The following FSIP2 variants were observed in gnomAD, a reference collection of about 807,000 sequenced individuals.
FSIP2 encodes the protein fibrous sheath-interacting protein 2.
A neutral mutation model predicts 510.5 loss-of-function variants in FSIP2; 367 were observed. That is an observed-to-expected ratio of 0.72 (90% CI 0.66 to 0.78). The LOEUF (loss-of-function observed/expected upper bound fraction) is 0.78, where lower values mean the gene tolerates loss of function less well. FSIP2 is among the 30% of genes least tolerant of loss of function. The pLI is 0.00. For synonymous variants in FSIP2, 2,601 were observed against 2,732.2 expected, an observed-to-expected ratio of 0.95 and a Z score of 1.50; for missense variants, 7,594 against 7,901.7, an observed-to-expected ratio of 0.96 and a Z score of 1.48.
intron 4 of FSIP2, 23 bp downstream of exon 4, chr2:185,744,434 G>A: frequency 1.6e-6 from 1 of 641,420 alleles, no homozygotes; most frequent in Non-Finnish European, 2.3e-6. Context: ...CTTAAATTTG[G>A]TTTATTTACA....
Position 185,796,196 on chromosome 2 carries a change from G to A in FSIP2, c.9060G>A (p.Val3020=), listed in dbSNP as rs1015794350. 1.1e-5 allele frequency: 17 copies of A among 1,532,048 alleles called. No homozygotes were observed. The highest frequency in any genetic ancestry group is 1.5e-5 in the Non-Finnish European group (17 of 1,145,330). 94.9% of individuals were successfully genotyped at this position (1,532,048 alleles called of 1,614,324 possible). Reference sequence around the variant, plus strand: ...CCAAATATGAGTTTTCTGAAATTGTGAAAATGCCTATAGAAAACCTTTCTT... The same window carrying A: ...CCAAATATGAGTTTTCTGAAATTGTAAAAATGCCTATAGAAAACCTTTCTT... ...HISKYEFSEI[V]KMPIENLSSI... is the part of the protein sequence containing the mutation. Residue 3020 remains valine (V), a synonymous_variant, in exon 16 of 23, where the codon GTG becomes GTA. Coordinates refer to ENST00000424728, the MANE Select transcript of FSIP2 (RefSeq NM_173651.4).
In FSIP2 at chr2:185,804,995, A is replaced by T; in HGVS notation, c.15689A>T (p.Glu5230Val). The T allele has an allele frequency of 6.4e-7, 1 of 1,571,862 alleles. No homozygotes were observed. The highest frequency in any genetic ancestry group is 8.6e-7 in the Non-Finnish European group (1 of 1,163,742). The stretch of plus-strand genomic sequence containing the variant: ...AAATTAGCTGGTTTTATTATGAAAG[A>T]AATCATGTATCATCATTTACAGCCA... ...LSKLAGFIMK[E>V]IMYHHLQPFL... The change falls in exon 17 of 23, where the codon GAA (glutamate) becomes GTA (valine). Residue 5230 changes from glutamate to valine, a missense_variant. Coordinates refer to ENST00000424728, the MANE Select transcript of FSIP2 (RefSeq NM_173651.4).
At position 185,790,787 on chromosome 2, in the gene FSIP2, A is replaced by G; in HGVS notation, c.3651A>G (p.Lys1217=). The part of the protein sequence containing the change: ...TEHIVKEAPN[K]YPLKTWFDSE... ...ACATAGTCAAAGAAGCACCAAATAAATACCCATTAAAAACATGGTTTGACA... is the reference window on the plus strand; with the variant it reads ...ACATAGTCAAAGAAGCACCAAATAAGTACCCATTAAAAACATGGTTTGACA... The change falls in exon 16 of 23, where the codon AAA becomes AAG. Residue 1217 remains lysine, a synonymous_variant. Transcript: ENST00000424728. 2 of 1,532,428 alleles carry G rather than the reference A, an allele frequency of 1.3e-6. No individual in the cohort carries two copies. The highest frequency in any genetic ancestry group is 1.7e-6 in the Non-Finnish European group (2 of 1,144,618). The allele number at this position is 1,532,428 out of a possible 1,614,324, so 94.9% of individuals were successfully genotyped here.
chr2:185,756,465 T>C (rs1692248685), intron 9 of FSIP2, among the ~76,000 whole-genome samples, 187 bp downstream of exon 9: 1 of 151,502 alleles, frequency 6.6e-6, no homozygotes, highest in African/African-American at 2.4e-5. Context: ...GATAACCAGA[T>C]AATTGATTTA....
At position 185,792,696 on chromosome 2, in the gene FSIP2, C is replaced by G; in HGVS notation, c.5560C>G (p.Leu1854Val). ...DNIVRTVFHK[L>V]YSAAMTERNV... is the part of the protein sequence containing the mutation. ...TATTGTTAGGACTGTATTTCACAAA[C>G]TTTATTCAGCTGCCATGACAGAAAG... Residue 1854 changes from leucine (L) to valine (V), a missense_variant, in exon 16 of 23, where the codon CTT becomes GTT. Physicochemically the swap from Leu to Val is conservative, Grantham distance 32. Transcript: ENST00000424728. 1 of 1,533,742 alleles carries G rather than the reference C, an allele frequency of 6.5e-7. No individual in the cohort carries two copies. The highest frequency in any genetic ancestry group is 8.7e-7 in the Non-Finnish European group (1 of 1,145,354).
Position 185,793,283 on chromosome 2 carries a change from A to G in FSIP2, c.6147A>G (p.Ile2049Met), listed in dbSNP as rs1485695301. The change falls in exon 16 of 23, where the codon ATA (isoleucine) becomes ATG (methionine). Residue 2049 changes from isoleucine (I) to methionine (M), a missense_variant. Physicochemically the swap from Ile to Met is conservative, Grantham distance 10. Transcript: ENST00000424728. Reference protein sequence around the residue: ...SQIVNALLDIISRKGKCDKNS... With the variant: ...SQIVNALLDIMSRKGKCDKNS... ...TTGTTAACGCATTGTTAGACATTAT[A>G]TCACGTAAAGGCAAATGTGACAAAA... 1 of 1,534,156 alleles carries G rather than the reference A, an allele frequency of 6.5e-7. No homozygotes were observed. The highest frequency in any genetic ancestry group is 1.4e-5 in the African/African-American group (1 of 72,890).
intron 7 of FSIP2, among the ~76,000 whole-genome samples, chr2:185,751,650 GTTCTT>G (rs1692151076): frequency 6.6e-6 from 1 of 151,056 alleles, no homozygotes; most frequent in South Asian, 2.1e-4. Flanking sequence ...TCTCATCTAT[GTTCTT>G]TTCTTCATTT....
chr2:185,803,638 C>T lies in FSIP2; in HGVS notation c.14332C>T (p.Gln4778Ter). 2 of 1,528,218 alleles carry T rather than the reference C, an allele frequency of 1.3e-6. No homozygotes were observed. The highest frequency in any genetic ancestry group is 1.7e-6 in the Non-Finnish European group (2 of 1,143,098). 94.7% of individuals were successfully genotyped at this position (1,528,218 alleles called of 1,614,324 possible). The part of the protein sequence containing the change: ...VQYDISKSRF[Q>*]RQASTMYTTM... The stretch of plus-strand genomic sequence containing the variant: ...ATATGATATAAGTAAATCAAGATTC[C>T]AAAGACAAGCTTCAACAATGTATAC... Residue 4778 changes from glutamine (Q) to a stop codon, truncating the protein, a stop_gained, in exon 17 of 23, where the codon CAA (glutamine) becomes TAA (stop). Transcript: ENST00000424728. LOFTEE classifies it high-confidence loss of function.
In FSIP2 at chr2:185,759,648, TTA is replaced by T. The variant is rs939252143; in HGVS notation, c.1079-1332_1079-1331del. On this transcript the variant is annotated intron_variant, in intron 9 of 22. Coordinates refer to ENST00000424728, the MANE Select transcript of FSIP2 (RefSeq NM_173651.4). ...ATAATATTAATAATATTGTTATATA[TTA>T]TATATATTATATATTATACATAATA... Among the ~76,000 whole-genome samples the T allele has an allele frequency of 6.2e-5, 9 of 146,208 alleles. No homozygotes were observed. In the South Asian group the frequency reaches 6.3e-4, roughly 10 times the overall value.
rs971286399 is a variant in FSIP2 at position 185,804,983 on chromosome 2, T to A, written c.15677T>A (p.Phe5226Tyr). The A allele has an allele frequency of 6.4e-7, 1 of 1,556,608 alleles. No individual in the cohort carries two copies. The highest frequency in any genetic ancestry group is 1.9e-5 in the Admixed American group (1 of 52,422). ...GCSFLSKLAGFIMKEIMYHHL... is the reference protein window; with the variant it reads ...GCSFLSKLAGYIMKEIMYHHL... Reference sequence around the variant, plus strand: ...TCATTCCTCAGTAAATTAGCTGGTTTTATTATGAAAGAAATCATGTATCAT... The same window carrying A: ...TCATTCCTCAGTAAATTAGCTGGTTATATTATGAAAGAAATCATGTATCAT... The change falls in exon 17 of 23, where the codon TTT (phenylalanine) becomes TAT (tyrosine). Residue 5226 changes from phenylalanine (F) to tyrosine (Y), a missense_variant. Physicochemically the swap from Phe to Tyr is conservative, Grantham distance 22 (BLOSUM62 3). Transcript: ENST00000424728.
In FSIP2 at chr2:185,813,689, A is replaced by G; in HGVS notation, c.19972A>G (p.Lys6658Glu). 1 of 1,610,002 alleles carries G rather than the reference A, an allele frequency of 6.2e-7. No homozygotes were observed. Among genetic ancestry groups the G allele is most frequent in the Non-Finnish European group, 8.5e-7 (1 of 1,178,034 alleles). Residue 6658 changes from lysine (K) to glutamate (E), a missense_variant, in exon 18 of 23, where the codon AAA (lysine) becomes GAA (glutamate). Transcript: ENST00000424728. The part of the protein sequence containing the change: ...IDQVYLENYI[K>E]EERDSDEDEV... ...TCAAGTGTATTTGGAAAATTACATA[A>G]AAGAGGAACGAGATTCTGATGAAGA...
rs1198924684 is a variant in FSIP2 at position 185,804,945 on chromosome 2, C to CA, written c.15645dup (p.Gly5216ArgfsTer7). ...AAGCTGAAGTACAAAAAGATGCAGA[C>CA]AAAAAAGGATGCTCATTCCTCAGTA... is the stretch of plus-strand genomic sequence containing the variant. On this transcript the variant is annotated frameshift_variant, in exon 17 of 23. Coordinates refer to ENST00000424728, the MANE Select transcript of FSIP2 (RefSeq NM_173651.4). LOFTEE classifies it high-confidence loss of function. The CA allele has an allele frequency of 1.3e-6, 2 of 1,530,282 alleles. No homozygotes were observed. Among genetic ancestry groups the CA allele is most frequent in the Admixed American group, 2.0e-5 (1 of 49,408 alleles). 94.8% of individuals were successfully genotyped at this position (1,530,282 alleles called of 1,614,324 possible). A position where few individuals can be genotyped will look rare whatever the true frequency, so the allele number is the denominator to read the frequency against.
chr2:185,788,500 A>ATTTC (rs1470570778), intron 15 of FSIP2, 143 bp from the exon 16 acceptor site: 3 of 529,736 alleles, frequency 5.7e-6, no homozygotes, highest in Admixed American at 3.8e-5. Flanking sequence ...CTAAACTGAT[A>ATTTC]TTTCTTTACT....
Position 185,789,467 on chromosome 2 carries a change from GT to G in FSIP2, c.2335del (p.Ser779HisfsTer12), listed in dbSNP as rs539866307. ...CAGTTGAGAAAAAATGTGTTGAGAT[GT>G]TTTCACAAGATTTGTCAGTCGACAT... is the stretch of plus-strand genomic sequence containing the variant. Reference protein sequence around the residue: ...SAVEKKCVEMFSQDLSVDIKP... With the variant: ...SAVEKKCVEMXSQDLSVDIKP... On this transcript the variant is annotated frameshift_variant, in exon 16 of 23. Coordinates refer to ENST00000424728, the MANE Select transcript of FSIP2 (RefSeq NM_173651.4). LOFTEE classifies it high-confidence loss of function. The G allele has an allele frequency of 1.5e-4, 228 of 1,534,496 alleles. No individual in the cohort carries two copies. Among genetic ancestry groups the G allele is most frequent in the Admixed American group, 1.8e-4 (9 of 50,830 alleles).
rs79762465 is a variant in FSIP2, at chr2:185,790,140, G to C, written c.3004G>C (p.Asp1002His). 0.069 allele frequency: 105,712 copies of C among 1,532,868 alleles called. 8,833 individuals are homozygous for C. Among genetic ancestry groups the C allele is most frequent in the East Asian group, 0.43 (17,482 of 40,788 alleles). The allele number at this position is 1,532,868 out of a possible 1,614,324, so 95.0% of individuals were successfully genotyped here. ...INVPGMVLYS[D>H]DENEEIDNIV... Reference sequence around the variant, plus strand: ...TGTTCCAGGCATGGTTCTTTATTCTGATGATGAAAATGAGGAAATAGACAA... The same window carrying C: ...TGTTCCAGGCATGGTTCTTTATTCTCATGATGAAAATGAGGAAATAGACAA... Residue 1002 changes from aspartate to histidine, a missense_variant, in exon 16 of 23, where the codon GAT becomes CAT. Coordinates refer to ENST00000424728, the MANE Select transcript of FSIP2 (RefSeq NM_173651.4).
rs1248724982 is a variant in FSIP2 at position 185,831,571 on chromosome 2, CACTT to C, written c.20518-240_20518-237del. Among the ~76,000 whole-genome samples, 3 of 151,934 alleles carry C rather than the reference CACTT, an allele frequency of 2.0e-5. 1 individual carries two copies. The highest frequency in any genetic ancestry group is 1.9e-4 in the East Asian group (1 of 5,154). ...TTAATATGGCTGAACCATTGACCCT[CACTT>C]AGTGCTAGCCAAAGTCTGCATTCAT... On this transcript the variant is annotated intron_variant, in intron 21 of 22. Coordinates refer to ENST00000424728, the MANE Select transcript of FSIP2 (RefSeq NM_173651.4).
In FSIP2 at chr2:185,804,491, TG is replaced by T; in HGVS notation, c.15187del (p.Glu5063LysfsTer11). ...CFGRKIYYLL[L>X]EEIYDYQVQS... ...GGTAGGAAAATATATTATTTGCTAT[TG>T]GAAGAAATATATGATTATCAAGTGC... On this transcript the variant is annotated frameshift_variant, in exon 17 of 23. Coordinates refer to ENST00000424728, the MANE Select transcript of FSIP2 (RefSeq NM_173651.4). LOFTEE classifies it high-confidence loss of function. The T allele has an allele frequency of 3.3e-6, 5 of 1,515,642 alleles. No homozygotes were observed. Among genetic ancestry groups the T allele is most frequent in the Non-Finnish European group, 4.4e-6 (5 of 1,136,446 alleles). The allele number at this position is 1,515,642 out of a possible 1,614,324, so 93.9% of individuals were successfully genotyped here.
chr2:185,772,461 C>T (rs192493826), intron 13 of FSIP2, among the ~76,000 whole-genome samples: 1 of 152,270 alleles, frequency 6.6e-6, no homozygotes, highest in East Asian at 1.9e-4. Flanking sequence ...CAGAAAGCTT[C>T]CACTCATGGC....
chr2:185,767,281 C>T (rs1373447004), intron 13 of FSIP2, among the ~76,000 whole-genome samples: 2 of 148,666 alleles, frequency 1.3e-5, no homozygotes, highest in African/African-American at 2.5e-5. Context: ...AACTAACCTG[C>T]ACAATGTGCA....
Sources: gnomAD v4.1 joint callset for allele counts (sites outside exome capture counted in the v4.1 genomes callset) on GRCh38, gnomAD v4.1.1 for gene constraint, MANE v1.5 for transcripts, NCBI Gene and HGNC (gene_info 2026-07-23, HGNC 2026-07-21) for gene names.